The following RTN1 variants were observed in gnomAD, a reference collection of about 807,000 sequenced individuals.
RTN1 encodes the protein reticulon 1, also known as reticulon-1.
RTN1 carries 25 observed loss-of-function variants against 65.5 expected under a neutral mutation model. That is an observed-to-expected ratio of 0.38 (90% CI 0.28 to 0.53). RTN1 has a LOEUF of 0.53. Ranked by LOEUF, RTN1 falls within the 20% of genes least tolerant of loss-of-function variation. The pLI is 0.79. For synonymous variants in RTN1, 471 were observed against 447.6 expected, an observed-to-expected ratio of 1.05 and a Z score of -0.66; for missense variants, 983 against 1,025.4, an observed-to-expected ratio of 0.96 and a Z score of 0.57.
At chr14:59,750,018 T>C (rs1283836112) in intron 1 of RTN1, among the ~76,000 whole-genome samples, 2 of 60,472 alleles carry the variant, frequency 3.3e-5, no homozygotes, top group South Asian at 4.1e-4. Context: ...ATATATATTA[T>C]ATATTATATT....
intron 1 of RTN1, among the ~76,000 whole-genome samples, chr14:59,848,982 T>G (rs1382996692): frequency 6.6e-6 from 1 of 152,186 alleles, no homozygotes; most frequent in Non-Finnish European, 1.5e-5. Context: ...TTTACTTTCC[T>G]GAAAATGCAC....
chr14:59,732,041 GGAGGTCATT>G (rs1884908320), intron 2 of RTN1, among the ~76,000 whole-genome samples: 1 of 152,230 alleles, frequency 6.6e-6, no homozygotes, highest in African/African-American at 2.4e-5. Context: ...GAAACTTAGA[GGAGGTCATT>G]GAGGAAGCTG....
At chr14:59,770,387 A>AG (rs1440233839) in intron 1 of RTN1, among the ~76,000 whole-genome samples, 1 of 150,350 alleles carries the variant, frequency 6.7e-6, no homozygotes, top group Non-Finnish European at 1.5e-5. Flanking sequence ...TCAAAAAAAA[A>AG]AAAAAAAAAA....
intron 3 of RTN1, among the ~76,000 whole-genome samples, chr14:59,667,321 A>G (rs952162730): frequency 8.5e-5 from 13 of 152,182 alleles, no homozygotes; most frequent in African/African-American, 3.1e-4. Flanking sequence ...AAATCAATAA[A>G]TGTAATCCAT....
chr14:59,861,270 G>C (rs1362844453), intron 1 of RTN1, among the ~76,000 whole-genome samples: 1 of 152,100 alleles, frequency 6.6e-6, no homozygotes, highest in Non-Finnish European at 1.5e-5. Flanking sequence ...AAGATCTGAT[G>C]GTATTATAAG....
chr14:59,615,893 T>C (rs1008754517), intron 3 of RTN1, among the ~76,000 whole-genome samples: 3 of 152,112 alleles, frequency 2.0e-5, no homozygotes, highest in Non-Finnish European at 2.9e-5. Context: ...AGAGTAAAGG[T>C]TTTTCTTTTT....
intron 8 of RTN1, among the ~76,000 whole-genome samples, chr14:59,597,414 G>A (rs572767294): frequency 2.6e-5 from 4 of 152,348 alleles, no homozygotes; most frequent in Admixed American, 2.6e-4. Context: ...GAAATTCTGT[G>A]ATGCTCACAA....
chr14:59,852,481 A>G (rs934759396), intron 1 of RTN1, among the ~76,000 whole-genome samples: 23 of 152,234 alleles, frequency 1.5e-4, no homozygotes. Flanking sequence ...TAATAATGGT[A>G]AAAGACTGTT....
chr14:59,641,132 T>G (rs1019083750), intron 3 of RTN1, among the ~76,000 whole-genome samples: 17 of 151,214 alleles, frequency 1.1e-4, no homozygotes, highest in Non-Finnish European at 1.8e-4. Context: ...CTAATTTTTT[T>G]GGGGGGGGTA....
intron 1 of RTN1, among the ~76,000 whole-genome samples, chr14:59,863,140 C>T (rs1175852088): frequency 6.6e-6 from 1 of 152,104 alleles, no homozygotes; most frequent in Non-Finnish European, 1.5e-5. Flanking sequence ...CCCGCAACAC[C>T]AATCTTTCCC....
At chr14:59,789,213 A>T (rs1886305262) in intron 1 of RTN1, among the ~76,000 whole-genome samples, 1 of 151,876 alleles carries the variant, frequency 6.6e-6, no homozygotes, top group African/African-American at 2.4e-5. Flanking sequence ...AGTATTTTAC[A>T]TCCTCCTTTC....
At chr14:59,746,999 C>T (rs1885242683) in intron 1 of RTN1, among the ~76,000 whole-genome samples, 1 of 152,200 alleles carries the variant, frequency 6.6e-6, no homozygotes. Flanking sequence ...TCATGGACTA[C>T]TGATCCATCC....
chr14:59,841,723 A>T (rs1887317204), intron 1 of RTN1, among the ~76,000 whole-genome samples: 1 of 151,734 alleles, frequency 6.6e-6, no homozygotes, highest in African/African-American at 2.4e-5. Context: ...AAACAAAAAA[A>T]AAAACAGCAG....
rs556081602 is a variant in RTN1, at chr14:59,757,322, T to A, written c.242-10841A>T. On this transcript the variant is annotated intron_variant, in intron 1 of 8. Coordinates refer to ENST00000267484, the MANE Select transcript of RTN1 (RefSeq NM_021136.3). ...GATCTGGTAGGAGATAATTGAAATATGTGGGCAGTTTCCCCCATACTGTTC... is the reference window on the plus strand; with the variant it reads ...GATCTGGTAGGAGATAATTGAAATAAGTGGGCAGTTTCCCCCATACTGTTC... Among the ~76,000 whole-genome samples, 9 of 152,306 alleles carry A rather than the reference T, an allele frequency of 5.9e-5. No homozygotes were observed. The East Asian group carries it at 1.7e-3, about 29-fold the overall frequency.
Position 59,596,063 on chromosome 14 carries a change from G to A in RTN1, c.*682C>T, listed in dbSNP as rs1750070904. On this transcript the variant is annotated 3_prime_UTR_variant, in exon 9 of 9. Coordinates refer to ENST00000267484, the MANE Select transcript of RTN1 (RefSeq NM_021136.3). Reference sequence around the variant, plus strand: ...CCAGAGTCCGTAATTGAATCCATTAGGAACTACAGAGAAAGTAATACAAAT... The same window carrying A: ...CCAGAGTCCGTAATTGAATCCATTAAGAACTACAGAGAAAGTAATACAAAT... The A allele has an allele frequency of 6.6e-6, 1 of 152,616 alleles. No homozygotes were observed. The highest frequency in any genetic ancestry group is 2.4e-5 in the African/African-American group (1 of 41,440). 9.5% of individuals were successfully genotyped at this position (152,616 alleles called of 1,614,324 possible).
At chr14:59,602,304 T>C (rs1404052982) in intron 8 of RTN1, among the ~76,000 whole-genome samples, 2 of 152,168 alleles carry the variant, frequency 1.3e-5, no homozygotes, top group African/African-American at 4.8e-5. Context: ...GTGAAATATA[T>C]TTATAGTTAA....
chr14:59,870,420 A>G lies in RTN1; in HGVS notation c.211T>C (p.Ser71Pro). The G allele has an allele frequency of 1.3e-6, 2 of 1,523,578 alleles. No individual in the cohort carries two copies. Among genetic ancestry groups the G allele is most frequent in the Non-Finnish European group, 1.7e-6 (2 of 1,147,666 alleles). 94.4% of individuals were successfully genotyped at this position (1,523,578 alleles called of 1,614,324 possible). A position where few individuals can be genotyped will look rare whatever the true frequency, so the allele number is the denominator to read the frequency against. Residue 71 changes from serine (S) to proline (P), a missense_variant, in exon 1 of 9, where the codon TCG becomes CCG. This residue lies in a region of RTN1 where 818 missense variants were observed against 801.8 expected (regional missense o/e 1.02). Transcript: ENST00000267484. The surrounding 1 kb of genome is among the most constrained non-coding windows in gnomAD (Gnocchi z 5.1). ...REAGSGPARQ[S>P]PVAMETASTG... is the part of the protein sequence containing the mutation. Reference sequence around the variant, plus strand: ...GATGCAGTTTCCATGGCAACGGGCGACTGCCGGGCGGGGCCCGAGCCGGCT... The same window carrying G: ...GATGCAGTTTCCATGGCAACGGGCGGCTGCCGGGCGGGGCCCGAGCCGGCT...
intron 1 of RTN1, among the ~76,000 whole-genome samples, chr14:59,754,920 G>A (rs1329717981): frequency 6.6e-6 from 1 of 152,038 alleles, no homozygotes; most frequent in Non-Finnish European, 1.5e-5. Context: ...GGTTCATTAC[G>A]TACTTTAAAT....
intron 1 of RTN1, among the ~76,000 whole-genome samples, chr14:59,777,665 T>C (rs1276908320): frequency 6.6e-6 from 1 of 152,144 alleles, no homozygotes; most frequent in Non-Finnish European, 1.5e-5. Context: ...ACCAAAGGGA[T>C]GTCCCTCCTT....
Sources: gnomAD v4.1 joint callset for allele counts (sites outside exome capture counted in the v4.1 genomes callset) on GRCh38, gnomAD v4.1.1 for gene constraint, gnomAD v4.1.1 regional missense constraint, Gnocchi (gnomAD v3.1) non-coding constraint, MANE v1.5 for transcripts, NCBI Gene and HGNC (gene_info 2026-07-23, HGNC 2026-07-21) for gene names.